Variants in WDR49 observed in about 807,000 individuals in gnomAD.
The protein encoded by WDR49 is WD repeat domain 49.
A neutral mutation model predicts 119.5 loss-of-function variants in WDR49; 107 were observed. The observed-to-expected ratio is 0.90, with a 90% CI of 0.77 to 1.05. WDR49 has a LOEUF of 1.05. WDR49 is among the 50% of genes least tolerant of loss of function. The pLI is 0.00. For missense variants in WDR49, 1,240 were observed against 1,220.5 expected, an observed-to-expected ratio of 1.02 and a Z score of -0.24; for synonymous variants, 425 against 418.8, an observed-to-expected ratio of 1.01 and a Z score of -0.18.
intron 2 of WDR49, among the ~76,000 whole-genome samples, chr3:167,635,259 T>G (rs1341751418): frequency 1.3e-5 from 2 of 151,734 alleles, no homozygotes; most frequent in Non-Finnish European, 2.9e-5. Flanking sequence ...TTTTGCCAAA[T>G]TCTCTTCTAA....
chr3:167,645,360 G>A (rs1718071068), intron 2 of WDR49, among the ~76,000 whole-genome samples: 1 of 151,886 alleles, frequency 6.6e-6, no homozygotes, highest in Non-Finnish European at 1.5e-5. Context: ...ACAGACACCT[G>A]CCATAATGCC....
intron 10 of WDR49, among the ~76,000 whole-genome samples, chr3:167,553,767 G>C (rs1283660965): frequency 6.6e-6 from 1 of 151,994 alleles, no homozygotes; most frequent in Non-Finnish European, 1.5e-5. Context: ...ATATCAAGTA[G>C]AATAATCTGG....
At chr3:167,579,877 A>G (rs915358265) in intron 7 of WDR49, among the ~76,000 whole-genome samples, 8 of 152,278 alleles carry the variant, frequency 5.3e-5, no homozygotes, top group Admixed American at 5.2e-4. Context: ...CTTGTTTAGT[A>G]TGGACCCCTT....
In WDR49 at chr3:167,605,999, T is replaced by G. The variant is rs567551789; in HGVS notation, c.959-1531A>C. Reference sequence around the variant, plus strand: ...GGCCTGATCTCTTGACTATTGAAACTTGGCTTCTCAAGTTTTAACATTCAC... The same window carrying G: ...GGCCTGATCTCTTGACTATTGAAACGTGGCTTCTCAAGTTTTAACATTCAC... On this transcript the variant is annotated intron_variant, in intron 5 of 18. Transcript: ENST00000682715. Among the ~76,000 whole-genome samples, 12 of 152,274 alleles carry G rather than the reference T, an allele frequency of 7.9e-5. No homozygotes were observed. The South Asian group carries it at 2.5e-3, about 32-fold the overall frequency.
At chr3:167,519,769 C>G (rs1317777708) in intron 16 of WDR49, among the ~76,000 whole-genome samples, 3 of 152,038 alleles carry the variant, frequency 2.0e-5, no homozygotes, top group Non-Finnish European at 4.4e-5. Flanking sequence ...GCTGTACATC[C>G]TACACATGTA....
chr3:167,527,868 A>G lies in WDR49; in HGVS notation c.2556T>C (p.Ser852=). 6.2e-7 allele frequency: 1 copy of G among 1,613,144 alleles called. No homozygotes were observed. The highest frequency in any genetic ancestry group is 8.5e-7 in the Non-Finnish European group (1 of 1,179,448). Residue 852 remains serine, a synonymous_variant, in exon 15 of 19, where the codon AGT becomes AGC. Transcript: ENST00000682715. ...CATTGCAGACACCAGTCACACAAAT[A>G]CTGCAGTCTGCAGAGGAGGAGATAA... ...LLIISSSADC[S]ICVTGVCNAP...
In WDR49 at chr3:167,560,119, G is replaced by A. The variant is rs1244673849; in HGVS notation, c.1619C>T (p.Ala540Val). 1 of 1,614,000 alleles carries A rather than the reference G, an allele frequency of 6.2e-7. No homozygotes were observed. The highest frequency in any genetic ancestry group is 8.5e-7 in the Non-Finnish European group (1 of 1,180,022). The change falls in exon 9 of 19, where the codon GCC (alanine) becomes GTC (valine). Residue 540 changes from alanine (A) to valine (V), a missense_variant. Physicochemically the swap from Ala to Val is moderately conservative, Grantham distance 64. Transcript: ENST00000682715. The stretch of plus-strand genomic sequence containing the variant: ...AAGCCGAGTCTCATTTGCATCAAGG[G>A]CCATAGTGCTGATTTCTGCGTTGCC... ...CHGNAEISTM[A>V]LDANETRLLT...
chr3:167,632,331 C>A (rs1717413951), intron 2 of WDR49, among the ~76,000 whole-genome samples: 1 of 151,874 alleles, frequency 6.6e-6, no homozygotes, highest in Non-Finnish European at 1.5e-5. Flanking sequence ...ATTTTCTTTT[C>A]CAAAGTGATA....
At chr3:167,632,450 G>T (rs1717418184) in intron 2 of WDR49, among the ~76,000 whole-genome samples, 1 of 151,960 alleles carries the variant, frequency 6.6e-6, no homozygotes, top group Non-Finnish European at 1.5e-5. Context: ...AAGTACAATT[G>T]TATGATATCC....
At chr3:167,572,958 G>A (rs1437923257) in intron 8 of WDR49, among the ~76,000 whole-genome samples, 1 of 152,162 alleles carries the variant, frequency 6.6e-6, no homozygotes, top group African/African-American at 2.4e-5. Flanking sequence ...CTGCAGTTCA[G>A]GGTACCCTCC....
chr3:167,593,974 T>C (rs1193470061), intron 7 of WDR49, among the ~76,000 whole-genome samples: 1 of 152,148 alleles, frequency 6.6e-6, no homozygotes, highest in East Asian at 1.9e-4. Flanking sequence ...TGCTTCCCCT[T>C]CACCTTCTTC....
chr3:167,544,871 CACAGCAA>C (rs1430493265), intron 10 of WDR49, among the ~76,000 whole-genome samples: 1 of 151,932 alleles, frequency 6.6e-6, no homozygotes, highest in Non-Finnish European at 1.5e-5. Context: ...GCAGCTTCTG[CACAGCAA>C]AAGACATTAT....
chr3:167,572,036 A>G (rs1713966172), intron 8 of WDR49, among the ~76,000 whole-genome samples: 1 of 152,228 alleles, frequency 6.6e-6, no homozygotes. Context: ...TACATGTTTT[A>G]AAGTTTCCTA....
intron 7 of WDR49, among the ~76,000 whole-genome samples, chr3:167,584,886 A>T (rs978143726): frequency 6.6e-6 from 1 of 152,136 alleles, no homozygotes; most frequent in African/African-American, 2.4e-5. Flanking sequence ...TAGAGCCATA[A>T]AGAAAATCAT....
At chr3:167,611,868 T>C (rs1005218193) in intron 5 of WDR49, among the ~76,000 whole-genome samples, 3 of 152,096 alleles carry the variant, frequency 2.0e-5, no homozygotes, top group South Asian at 4.1e-4. Context: ...AAGAGAGAGA[T>C]AGGCCTTGAT....
chr3:167,508,396 C>T (rs1053793879), intron 16 of WDR49, among the ~76,000 whole-genome samples: 4 of 152,174 alleles, frequency 2.6e-5, no homozygotes, highest in Middle Eastern at 3.4e-3. Context: ...TTAACTTCTC[C>T]GCCTCTGTTT....
chr3:167,500,148 C>T lies in WDR49; in HGVS notation c.3031+5G>A. On this transcript the variant is annotated splice_donor_5th_base_variant and intron_variant, in intron 18 of 18. Coordinates refer to ENST00000682715, the MANE Select transcript of WDR49 (RefSeq NM_001366157.1). ...AATAGAGGTGTATGATGGCTGAGAA[C>T]TTACTTTTAAAAAGTGACGGGGCCT... The T allele has an allele frequency of 6.4e-7, 1 of 1,560,502 alleles. No homozygotes were observed. Among genetic ancestry groups the T allele is most frequent in the Non-Finnish European group, 8.6e-7 (1 of 1,163,226 alleles).
At chr3:167,526,033 A>G (rs1188017356) in intron 15 of WDR49, among the ~76,000 whole-genome samples, 1 of 151,988 alleles carries the variant, frequency 6.6e-6, no homozygotes, top group Non-Finnish European at 1.5e-5. Flanking sequence ...AAAAATTAAA[A>G]AAAAGAAGTA....
intron 7 of WDR49, among the ~76,000 whole-genome samples, chr3:167,592,303 T>G (rs1219285764): frequency 6.6e-6 from 1 of 152,176 alleles, no homozygotes; most frequent in Non-Finnish European, 1.5e-5. Context: ...TTTTGATTAG[T>G]TCATCATTTA....
Sources: allele counts gnomAD v4.1 joint callset (sites outside exome capture counted in the v4.1 genomes callset), GRCh38; gene constraint gnomAD v4.1.1; transcripts MANE v1.5; gene names NCBI Gene and HGNC (gene_info 2026-07-23, HGNC 2026-07-21).